The following FLT1 variants were observed in gnomAD, a reference collection of about 807,000 sequenced individuals.
The protein encoded by FLT1 is vascular endothelial growth factor receptor 1.
A neutral mutation model predicts 156.3 loss-of-function variants in FLT1; 49 were observed. The ratio of observed to expected loss-of-function variants is 0.31; its 90% confidence interval spans 0.25 to 0.40. The LOEUF is 0.40. Ranked by LOEUF, FLT1 falls within the 10% of genes least tolerant of loss-of-function variation. The probability of loss-of-function intolerance (pLI) is 1.00; values close to 1 mark genes in which losing one functional copy is unlikely to be tolerated. For synonymous variants in FLT1, 594 were observed against 583.8 expected (o/e 1.02, Z -0.25); for missense variants, 1,322 against 1,637.2 (o/e 0.81, Z 3.32).
intron 14 of FLT1, among the ~76,000 whole-genome samples, chr13:28,379,025 T>A (rs1873963387): frequency 6.6e-6 from 1 of 152,062 alleles, no homozygotes; most frequent in Admixed American, 6.5e-5. Context: ...CCCTGGAAGG[T>A]GAGAGAAGAT....
intron 25 of FLT1, among the ~76,000 whole-genome samples, chr13:28,313,335 C>T (rs189058208): frequency 5.3e-5 from 8 of 152,308 alleles, no homozygotes; most frequent in African/African-American, 1.2e-4. Flanking sequence ...CATGTCTGCA[C>T]GGAATCGAGG....
At position 28,406,250 on chromosome 13, in the gene FLT1, A is replaced by G. The variant is rs1875795380; in HGVS notation, c.1437-356T>C. The stretch of plus-strand genomic sequence containing the variant: ...ATGAAGTTATGTTAATGAATAAAAA[A>G]CTCAAGGAAATCATACCATTTTATA... On this transcript the variant is annotated intron_variant, in intron 10 of 29. Coordinates refer to ENST00000282397, the MANE Select transcript of FLT1 (RefSeq NM_002019.4). 2.0e-5 allele frequency among the ~76,000 whole-genome samples: 3 copies of G among 152,282 alleles called. No homozygotes were observed. The South Asian group carries it at 6.2e-4, about 32-fold the overall frequency.
Position 28,430,060 on chromosome 13 carries a change from C to T in FLT1, c.1096G>A (p.Glu366Lys). The T allele has an allele frequency of 6.2e-7, 1 of 1,609,288 alleles. No individual in the cohort carries two copies. The highest frequency in any genetic ancestry group is 8.5e-7 in the Non-Finnish European group (1 of 1,175,614). ...SMKVKAFPSP[E>K]VVWLKDGLPA... ...TAAGGATGGTCCTACCATACAACTT[C>T]CGGCGAGGGAAATGCCTTCACTTTC... The change falls in exon 8 of 30, where the codon GAA (glutamate) becomes AAA (lysine). Residue 366 changes from glutamate to lysine, a missense_variant. By Grantham distance (56) the Glu-to-Lys change is moderately conservative. This residue lies in a region of FLT1 where 991 missense variants were observed against 1,254.8 expected (regional missense o/e 0.79). Coordinates refer to ENST00000282397, the MANE Select transcript of FLT1 (RefSeq NM_002019.4).
At chr13:28,477,947 A>C (rs17086741) in intron 1 of FLT1, among the ~76,000 whole-genome samples, 3,169 of 152,320 alleles carry the variant, frequency 0.021, 117 homozygotes, top group African/African-American at 0.071. Context: ...AAACACACTC[A>C]ATGTATGTGA....
chr13:28,357,631 T>A lies in FLT1; in HGVS notation c.2171A>T (p.Glu724Val). 6.2e-7 allele frequency: 1 copy of A among 1,613,708 alleles called. No individual in the cohort carries two copies. The highest frequency in any genetic ancestry group is 8.5e-7 in the Non-Finnish European group (1 of 1,179,594). The change falls in exon 15 of 30, where the codon GAG (glutamate) becomes GTG (valine). Residue 724 changes from glutamate (E) to valine (V), a missense_variant. This residue lies in a region of FLT1 where 991 missense variants were observed against 1,254.8 expected (regional missense o/e 0.79). Transcript: ENST00000282397. ...TTTGCAGTGATAGACACCTTCATCC[T>A]CTTCTGTGACTCTTTCAATAAACAG... ...STLFIERVTE[E>V]DEGVYHCKAT... is the part of the protein sequence containing the mutation.
Position 28,481,670 on chromosome 13 carries a change from G to A in FLT1, c.64+13110C>T, listed in dbSNP as rs148019862. Among the ~76,000 whole-genome samples, 657 of 152,348 alleles carry A rather than the reference G, an allele frequency of 4.3e-3. 2 individuals are homozygous for A. The highest frequency in any genetic ancestry group is 0.017 in the South Asian group (84 of 4,826). On this transcript the variant is annotated intron_variant, in intron 1 of 29. Coordinates refer to ENST00000282397, the MANE Select transcript of FLT1 (RefSeq NM_002019.4). ...GTCAGAAACATTTCTTCCTCTTGAAGGTCTTTCAGCTCTAAGCTGGCCTCT... is the reference window on the plus strand; with the variant it reads ...GTCAGAAACATTTCTTCCTCTTGAAAGTCTTTCAGCTCTAAGCTGGCCTCT...
intron 12 of FLT1, among the ~76,000 whole-genome samples, chr13:28,396,145 C>A (rs1875029741): frequency 6.6e-6 from 1 of 152,214 alleles, no homozygotes; most frequent in Admixed American, 6.5e-5. Context: ...GCTTGGCTAA[C>A]TTGCCAGAGG....
chr13:28,309,045 C>T, intron 27 of FLT1, 118 bp from the exon 28 acceptor site: 1 of 690,604 alleles, frequency 1.4e-6, no homozygotes. Flanking sequence ...CAGGAATCAC[C>T]TAACTCCTGA....
rs2137540323 is a variant in FLT1, at chr13:28,427,869, C to G, written c.1159G>C (p.Gly387Arg). The change falls in exon 9 of 30, where the codon GGC (glycine) becomes CGC (arginine). Residue 387 changes from glycine to arginine, a missense_variant. By Grantham distance (125) the Gly-to-Arg change is moderately radical. Transcript: ENST00000282397. ...TEKSARYLTR[G>R]YSLIIKDVTE... ...ACGTCCTTGATAATTAACGAGTAGC[C>G]ACGAGTCAAATAGCGAGCAGATTTC... The G allele has an allele frequency of 6.2e-7, 1 of 1,613,910 alleles. No individual in the cohort carries two copies. The highest frequency in any genetic ancestry group is 1.1e-5 in the South Asian group (1 of 91,070).
At chr13:28,309,000 C>T in intron 27 of FLT1, 73 bp from the exon 28 acceptor site, 4 of 837,822 alleles carry the variant, frequency 4.8e-6, no homozygotes, top group Middle Eastern at 2.7e-4. Context: ...AGACCACAGG[C>T]ACCATATCCC....
chr13:28,424,494 TTA>T (rs529727631), intron 10 of FLT1, among the ~76,000 whole-genome samples: 297 of 152,294 alleles, frequency 2.0e-3, no homozygotes, highest in Non-Finnish European at 3.1e-3. Context: ...CTATCGGTAG[TTA>T]TAATAACTTA....
chr13:28,387,360 A>G (rs1051485586), intron 13 of FLT1: 2 of 1,048,948 alleles, frequency 1.9e-6, no homozygotes, highest in South Asian at 9.2e-5. Flanking sequence ...TTTATACATT[A>G]TAATAATCTA....
intron 3 of FLT1, among the ~76,000 whole-genome samples, chr13:28,454,617 A>C (rs1443847951): frequency 1.3e-5 from 2 of 152,204 alleles, no homozygotes; most frequent in Admixed American, 1.3e-4. Context: ...TCTCACTACT[A>C]CTTTCCAACA....
chr13:28,433,977 T>G, intron 5 of FLT1, 22 bp from the exon 6 acceptor site: 1 of 1,614,002 alleles, frequency 6.2e-7, no homozygotes. Flanking sequence ...AGAGAGAAAT[T>G]TTTTAAAATT....
rs567562977 is a variant in FLT1, at chr13:28,301,000, T to C, written c.*2167A>G. 1.7e-5 allele frequency: 4 copies of C among 232,866 alleles called. No individual in the cohort carries two copies. In the East Asian group the frequency reaches 2.4e-4, roughly 14 times the overall value. The allele number at this position is 232,866 out of a possible 1,614,324, so 14.4% of individuals were successfully genotyped here. On this transcript the variant is annotated 3_prime_UTR_variant, in exon 30 of 30. Coordinates refer to ENST00000282397, the MANE Select transcript of FLT1 (RefSeq NM_002019.4). ...GACTGATGGATGGACTCATGTATGCTACAAACCTGAGTTTGAAGGAGCTGA... is the reference window on the plus strand; with the variant it reads ...GACTGATGGATGGACTCATGTATGCCACAAACCTGAGTTTGAAGGAGCTGA...
chr13:28,397,560 T>C (rs1192979994), intron 11 of FLT1, among the ~76,000 whole-genome samples: 1 of 152,146 alleles, frequency 6.6e-6, no homozygotes, highest in Non-Finnish European at 1.5e-5. Context: ...CTGAAACTTT[T>C]TTTTTTTTAA....
chr13:28,404,495 C>T (rs1875662212), intron 11 of FLT1, among the ~76,000 whole-genome samples: 1 of 152,204 alleles, frequency 6.6e-6, no homozygotes, highest in African/African-American at 2.4e-5. Flanking sequence ...AAAAGTTTCA[C>T]ATAATGAAAA....
intron 13 of FLT1, chr13:28,385,455 G>A (rs1874302719): frequency 2.1e-6 from 2 of 943,592 alleles, no homozygotes; most frequent in South Asian, 4.7e-5. Flanking sequence ...ATATAATTTT[G>A]TGTGAGTTTT....
In FLT1 at chr13:28,311,622, C is replaced by A; in HGVS notation, c.3603G>T (p.Pro1201=). 6.2e-7 allele frequency: 1 copy of A among 1,613,722 alleles called. No homozygotes were observed. Residue 1201 remains proline, a synonymous_variant, in exon 27 of 30, where the codon CCG becomes CCT. Transcript: ENST00000282397. ...CATCAGAGCTTCCTGAATTAAACTT[C>A]GGAGCTGAAATACTTTCCTTGAAGA... ...EDFFKESISA[P]KFNSGSSDDV...
Sources: gnomAD v4.1 joint callset for allele counts (sites outside exome capture counted in the v4.1 genomes callset) on GRCh38, gnomAD v4.1.1 for gene constraint, gnomAD v4.1.1 regional missense constraint, MANE v1.5 for transcripts, NCBI Gene and HGNC (gene_info 2026-07-23, HGNC 2026-07-21) for gene names.